The following CHD9 variants were observed in gnomAD, a reference collection of about 807,000 sequenced individuals.
CHD9 encodes the protein chromodomain helicase DNA binding protein 9, also known as ATP-dependent chromatin remodeler CHD9.
Under a neutral mutation model 316.1 loss-of-function variants are expected in CHD9, and 77 were observed. That is an observed-to-expected ratio of 0.24 (90% CI 0.20 to 0.29). The LOEUF (loss-of-function observed/expected upper bound fraction) is 0.29. Among genes scored for constraint, CHD9 ranks in the 10% least tolerant of loss-of-function variants. The pLI, the probability that CHD9 is intolerant of heterozygous loss-of-function variation, is 1.00. For synonymous variants in CHD9, 1,129 were observed against 1,158.3 expected (o/e 0.97, Z 0.51); for missense variants, 2,763 against 3,438.1 (o/e 0.80, Z 4.91).
chr16:53,308,041 T>TC, intron 33 of CHD9, 88 bp downstream of exon 33: 1 of 1,155,240 alleles, frequency 8.7e-7, no homozygotes. Context: ...CTCTTACTCT[T>TC]CCTTCCTTCA....
chr16:53,212,741 C>T (rs547856258), intron 3 of CHD9, among the ~76,000 whole-genome samples: 1 of 152,244 alleles, frequency 6.6e-6, no homozygotes, highest in South Asian at 2.1e-4. Context: ...GAGCCAGTTG[C>T]ATTTGTTCAG....
chr16:53,094,325 CGGGGCA>C (rs2036204284), intron 1 of CHD9, among the ~76,000 whole-genome samples: 1 of 152,102 alleles, frequency 6.6e-6, no homozygotes, highest in South Asian at 2.1e-4. Flanking sequence ...AAGTCTGTAC[CGGGGCA>C]GGTGGCAGGG....
At chr16:53,192,603 T>C (rs985569862) in intron 2 of CHD9, among the ~76,000 whole-genome samples, 1 of 152,236 alleles carries the variant, frequency 6.6e-6, no homozygotes, top group Non-Finnish European at 1.5e-5. Flanking sequence ...ACACAGATTA[T>C]TGCTCTCATC....
chr16:53,231,687 A>G lies in CHD9; in HGVS notation c.2414A>G (p.Tyr805Cys). The change falls in exon 10 of 39, where the codon TAT becomes TGT. Residue 805 changes from tyrosine to cysteine, a missense_variant. Tyr to Cys is a radical substitution (Grantham distance 194, BLOSUM62 -2). Around this residue, in one of 15 missense-constraint regions of CHD9, gnomAD observed 186 missense variants for 245.0 expected, o/e 0.76. Transcript: ENST00000447540. Reference protein sequence around the residue: ...YYLVKWCSLPYEDSTWELKED... With the variant: ...YYLVKWCSLPCEDSTWELKED... ...TTAGTAAAATGGTGCTCATTGCCATATGAAGATAGTACTTGGGAACTAAAA... is the reference window on the plus strand; with the variant it reads ...TTAGTAAAATGGTGCTCATTGCCATGTGAAGATAGTACTTGGGAACTAAAA... The G allele has an allele frequency of 1.2e-6, 2 of 1,607,158 alleles. No homozygotes were observed. The highest frequency in any genetic ancestry group is 8.5e-7 in the Non-Finnish European group (1 of 1,176,006).
At chr16:53,167,393 T>C (rs1416437917) in intron 2 of CHD9, among the ~76,000 whole-genome samples, 2 of 152,208 alleles carry the variant, frequency 1.3e-5, no homozygotes, top group Non-Finnish European at 2.9e-5. Context: ...TGCCAGGCAC[T>C]GAGGTTGCAG....
At chr16:53,187,699 T>C (rs1321470534) in intron 2 of CHD9, among the ~76,000 whole-genome samples, 1 of 152,066 alleles carries the variant, frequency 6.6e-6, no homozygotes, top group East Asian at 1.9e-4. Flanking sequence ...GTGTCAAAAA[T>C]TAAAAGATAT....
Position 53,267,500 on chromosome 16 carries a change from T to G in CHD9, c.4517+10T>G. 1 of 1,566,170 alleles carries G rather than the reference T, an allele frequency of 6.4e-7. No homozygotes were observed. Among genetic ancestry groups the G allele is most frequent in the Non-Finnish European group, 8.7e-7 (1 of 1,153,154 alleles). Reference sequence around the variant, plus strand: ...ACCTGCTAGTTTATGGGTAAAACATTGTTTTTAATGTTTGCTCTAAGTAGT... The same window carrying G: ...ACCTGCTAGTTTATGGGTAAAACATGGTTTTTAATGTTTGCTCTAAGTAGT... On this transcript the variant is annotated intron_variant, in intron 21 of 38. Coordinates refer to ENST00000447540, the MANE Select transcript of CHD9 (RefSeq NM_001308319.2).
At chr16:53,238,675 A>T in intron 12 of CHD9, 89 bp downstream of exon 12, 2 of 1,313,648 alleles carry the variant, frequency 1.5e-6, no homozygotes, top group Non-Finnish European at 2.1e-6. Context: ...AATTTAGGAT[A>T]CATTTTAATT....
chr16:53,263,527 GA>G (rs1302589561), intron 20 of CHD9, among the ~76,000 whole-genome samples: 1 of 152,016 alleles, frequency 6.6e-6, no homozygotes, highest in Non-Finnish European at 1.5e-5. Flanking sequence ...CTTGAGCTAA[GA>G]AAAGGTCAAA....
chr16:53,259,732 C>G (rs1354814523), intron 19 of CHD9, among the ~76,000 whole-genome samples: 3 of 152,076 alleles, frequency 2.0e-5, no homozygotes, highest in Non-Finnish European at 2.9e-5. Context: ...CCAGGCTGGT[C>G]TCAAATTCCT....
At chr16:53,082,609 C>T (rs2035127608) in intron 1 of CHD9, among the ~76,000 whole-genome samples, 1 of 152,204 alleles carries the variant, frequency 6.6e-6, no homozygotes, top group Non-Finnish European at 1.5e-5. Flanking sequence ...TCAGCCTCAG[C>T]TTATAGCCAC....
At position 53,157,505 on chromosome 16, in the gene CHD9, T is replaced by C. The variant is rs1236502036; in HGVS notation, c.1416T>C (p.His472=). Residue 472 remains histidine (H), a synonymous_variant, in exon 2 of 39, where the codon CAT becomes CAC. Coordinates refer to ENST00000447540, the MANE Select transcript of CHD9 (RefSeq NM_001308319.2). ...ATTCATCATTTTCTAATCATCAGCA[T>C]TTACATGACAGAAATCACCTATGTT... ...SWHSSFSNHQ[H]LHDRNHLCLQ... is the part of the protein sequence containing the mutation. The C allele has an allele frequency of 6.2e-7, 1 of 1,613,628 alleles. No individual in the cohort carries two copies.
rs1055642965 is a variant in CHD9, at chr16:53,267,213, TTG to T, written c.4321-79_4321-78del. 9.7e-6 allele frequency: 8 copies of T among 828,146 alleles called. No individual in the cohort carries two copies. The African/African-American group carries it at 1.4e-4, about 15-fold the overall frequency. The allele number at this position is 828,146 out of a possible 1,614,324, so 51.3% of individuals were successfully genotyped here. A position where few individuals can be genotyped will look rare whatever the true frequency, so the allele number is the denominator to read the frequency against. On this transcript the variant is annotated intron_variant, in intron 20 of 38. Coordinates refer to ENST00000447540, the MANE Select transcript of CHD9 (RefSeq NM_001308319.2). The stretch of plus-strand genomic sequence containing the variant: ...TTGTCTGTGTTTCTGTAATTATTGT[TTG>T]TATAAGGTAAAAATGTAGAACACTG...
intron 1 of CHD9, among the ~76,000 whole-genome samples, chr16:53,081,931 C>G (rs1190204011): frequency 6.6e-6 from 1 of 152,054 alleles, no homozygotes; most frequent in Non-Finnish European, 1.5e-5. Context: ...TCTATAAAAA[C>G]AATATTTAAA....
intron 1 of CHD9, among the ~76,000 whole-genome samples, chr16:53,153,099 A>G (rs2041246508): frequency 6.6e-6 from 1 of 152,190 alleles, no homozygotes; most frequent in African/African-American, 2.4e-5. Context: ...CGACCCTTGT[A>G]TTTCGTTATG....
intron 1 of CHD9, chr16:53,099,011 T>A (rs563449764): frequency 6.6e-6 from 1 of 152,250 alleles, no homozygotes; most frequent in African/African-American, 2.4e-5. Context: ...CTCTGACTCA[T>A]GGAACGAGGG....
chr16:53,163,636 A>C (rs971790457), intron 2 of CHD9, among the ~76,000 whole-genome samples: 1 of 152,246 alleles, frequency 6.6e-6, no homozygotes, highest in Non-Finnish European at 1.5e-5. Context: ...TTTTCTAAAA[A>C]TGATTTTGAG....
chr16:53,216,042 T>C lies in CHD9; in HGVS notation c.1784+6229T>C, dbSNP rs368713673. On this transcript the variant is annotated intron_variant, in intron 3 of 38. Coordinates refer to ENST00000447540, the MANE Select transcript of CHD9 (RefSeq NM_001308319.2). ...TAACATTGATAACAGATCCTTTTAA[T>C]GTTTTCAAGACCAAAATTTGCATAA... Among the ~76,000 whole-genome samples the C allele has an allele frequency of 2.4e-4, 37 of 152,324 alleles. No homozygotes were observed. The South Asian group carries it at 7.0e-3, about 29-fold the overall frequency.
chr16:53,290,749 G>T (rs1344604751), intron 27 of CHD9, among the ~76,000 whole-genome samples: 2 of 152,192 alleles, frequency 1.3e-5, no homozygotes, highest in African/African-American at 4.8e-5. Flanking sequence ...CTGCACTCCA[G>T]CCTGGACAAC....
Sources: allele counts gnomAD v4.1 joint callset (sites outside exome capture counted in the v4.1 genomes callset), GRCh38; gene constraint gnomAD v4.1.1; regional missense constraint gnomAD v4.1.1; transcripts MANE v1.5; gene names NCBI Gene and HGNC (gene_info 2026-07-23, HGNC 2026-07-21).